KMT2C: variants seen among roughly 807,000 people sequenced by gnomAD.
The protein encoded by KMT2C is lysine methyltransferase 2C, also known as histone-lysine N-methyltransferase 2C.
KMT2C carries 88 observed loss-of-function variants against 507.9 expected under a neutral mutation model. That is an observed-to-expected ratio of 0.17 (90% CI 0.15 to 0.21). The LOEUF (loss-of-function observed/expected upper bound fraction) is 0.21, where lower values mean the gene tolerates loss of function less well. Among genes scored for constraint, KMT2C ranks in the 10% least tolerant of loss-of-function variants. KMT2C has a pLI of 1.00. For synonymous variants in KMT2C, 2,049 were observed against 2,080.8 expected (o/e 0.98, Z 0.42); for missense variants, 4,954 against 5,957.8 (o/e 0.83, Z 5.55).
At chr7:152,332,784 G>A (rs1422094150) in intron 2 of KMT2C, among the ~76,000 whole-genome samples, 1 of 151,722 alleles carries the variant, frequency 6.6e-6, no homozygotes, top group Non-Finnish European at 1.5e-5. Context: ...GGAGATGGAA[G>A]TTGCAGTGAG....
chr7:152,163,889 G>C, intron 42 of KMT2C, 63 bp from the exon 43 acceptor site: 1 of 1,489,228 alleles, frequency 6.7e-7, no homozygotes, highest in Non-Finnish European at 9.3e-7. Context: ...GTAAAACACT[G>C]GCTGATGACT....
chr7:152,330,886 T>C (rs1563888844), intron 2 of KMT2C, 147 bp from the exon 3 acceptor site: 1 of 688,922 alleles, frequency 1.5e-6, no homozygotes, highest in Non-Finnish European at 2.4e-6. Context: ...TTCATGCACG[T>C]AATTAGTGGT....
Position 152,330,626 on chromosome 7 carries a change from A to T in KMT2C, c.364T>A (p.Ser122Thr). The change falls in exon 3 of 59, where the codon TCT becomes ACT. Residue 122 changes from serine to threonine, a missense_variant. Around this residue, in one of 29 missense-constraint regions of KMT2C, gnomAD observed 233 missense variants for 263.6 expected, o/e 0.88. Coordinates refer to ENST00000262189, the MANE Select transcript of KMT2C (RefSeq NM_170606.3). ...VSEESANSLVSVGVEAKISEQ... is the reference protein window; with the variant it reads ...VSEESANSLVTVGVEAKISEQ... The stretch of plus-strand genomic sequence containing the variant: ...CTGATTTTGGCTTCTACACCAACAG[A>T]GACCAGGGAGTTTGCCGATTCCTCA... 1 of 1,614,170 alleles carries T rather than the reference A, an allele frequency of 6.2e-7. No homozygotes were observed. The highest frequency in any genetic ancestry group is 8.5e-7 in the Non-Finnish European group (1 of 1,180,008).
At chr7:152,302,126 A>T (rs550937921) in intron 6 of KMT2C, among the ~76,000 whole-genome samples, 13 of 152,362 alleles carry the variant, frequency 8.5e-5, no homozygotes, top group African/African-American at 3.1e-4. Flanking sequence ...AAATACAATG[A>T]AATTTCAATA....
In KMT2C at chr7:152,176,249, C is replaced by T. The variant is rs1461623690; in HGVS notation, c.9204G>A (p.Gln3068=). The part of the protein sequence containing the change: ...LLDQERQEQQ[Q]QRQMQAMIRQ... ...GAATCATGGCTTGCATCTGTCTTTG[C>T]TGCTGCTGTTCTTGCCTTTCTTGAT... The change falls in exon 38 of 59, where the codon CAG becomes CAA. Residue 3068 remains glutamine, a synonymous_variant. Transcript: ENST00000262189. 1 of 1,613,880 alleles carries T rather than the reference C, an allele frequency of 6.2e-7. No individual in the cohort carries two copies.
At chr7:152,231,654 GCCTGTAGTCTCAGCT>G (rs2129152428) in intron 16 of KMT2C, among the ~76,000 whole-genome samples, 2 of 152,236 alleles carry the variant, frequency 1.3e-5, no homozygotes, top group Admixed American at 1.3e-4. Context: ...GGTGGCACAC[GCCTGTAGTCTCAGCT>G]ACTCAGGAGG....
At chr7:152,171,822 A>C (rs780269058) in intron 39 of KMT2C, among the ~76,000 whole-genome samples, 2 of 152,266 alleles carry the variant, frequency 1.3e-5, no homozygotes, top group Non-Finnish European at 2.9e-5. Flanking sequence ...CTAAAACAAA[A>C]GACATTTCCC....
chr7:152,254,232 A>C (rs913281927), intron 9 of KMT2C, among the ~76,000 whole-genome samples: 2 of 152,088 alleles, frequency 1.3e-5, no homozygotes, highest in African/African-American at 2.4e-5. Context: ...CCTGGGCAAC[A>C]CACAGAGACC....
intron 3 of KMT2C, among the ~76,000 whole-genome samples, chr7:152,324,584 A>G (rs2096807725): frequency 6.6e-6 from 1 of 151,960 alleles, no homozygotes; most frequent in African/African-American, 2.4e-5. Context: ...AAAATTTGGA[A>G]GTGGGGAGCA....
chr7:152,374,248 G>A (rs1325985845), intron 1 of KMT2C, among the ~76,000 whole-genome samples: 1 of 151,928 alleles, frequency 6.6e-6, no homozygotes, highest in African/African-American at 2.4e-5. Flanking sequence ...CCTGGCAGGT[G>A]GAGGTTGCAG....
chr7:152,154,538 A>C, intron 46 of KMT2C, 93 bp from the exon 47 acceptor site: 1 of 1,049,704 alleles, frequency 9.5e-7, no homozygotes, highest in Non-Finnish European at 1.4e-6. Context: ...ATACAGCTGT[A>C]AGGATACTCT....
intron 39 of KMT2C, among the ~76,000 whole-genome samples, chr7:152,172,642 G>C (rs139654402): frequency 2.1e-3 from 324 of 152,304 alleles, no homozygotes; most frequent in Non-Finnish European, 3.6e-3. Context: ...GCTGCAGTGA[G>C]CCATTGCACT....
At chr7:152,220,028 C>G (rs1322027412) in intron 23 of KMT2C, 2 of 154,176 alleles carry the variant, frequency 1.3e-5, no homozygotes, top group Non-Finnish European at 1.4e-5. Flanking sequence ...AAAAAGAATT[C>G]AGCTAGAAAA....
At chr7:152,385,546 A>G (rs1406525152) in intron 1 of KMT2C, among the ~76,000 whole-genome samples, 2 of 98,600 alleles carry the variant, frequency 2.0e-5, no homozygotes, top group Non-Finnish European at 3.4e-5. Context: ...CGGGAGGCGG[A>G]GCTTGCAGTG....
chr7:152,309,481 G>A (rs1245283335), intron 6 of KMT2C, among the ~76,000 whole-genome samples: 2 of 140,314 alleles, frequency 1.4e-5, no homozygotes, highest in African/African-American at 5.4e-5. Context: ...GCACCAGCAT[G>A]CCCGGCTAAT....
chr7:152,160,544 C>T (rs1175297942), intron 43 of KMT2C, among the ~76,000 whole-genome samples: 2 of 151,854 alleles, frequency 1.3e-5, no homozygotes, highest in Non-Finnish European at 2.9e-5. Context: ...TGTTACAAAG[C>T]TCCCACCTGA....
intron 6 of KMT2C, among the ~76,000 whole-genome samples, chr7:152,308,133 C>G (rs1243758592): frequency 6.6e-6 from 1 of 152,088 alleles, no homozygotes; most frequent in Non-Finnish European, 1.5e-5. Flanking sequence ...CCAAAACAAG[C>G]ACTCTGACTT....
At chr7:152,283,251 ATTAAT>A (rs2096249117) in intron 6 of KMT2C, among the ~76,000 whole-genome samples, 1 of 152,296 alleles carries the variant, frequency 6.6e-6, no homozygotes. Flanking sequence ...AAATTGAAAT[ATTAAT>A]TTAAACACGT....
intron 1 of KMT2C, among the ~76,000 whole-genome samples, chr7:152,425,384 T>C (rs2097806120): frequency 6.6e-6 from 1 of 152,136 alleles, no homozygotes; most frequent in Non-Finnish European, 1.5e-5. Context: ...GAGACCAGCC[T>C]GGCCAACATG....
Sources: allele counts gnomAD v4.1 joint callset (sites outside exome capture counted in the v4.1 genomes callset), GRCh38; gene constraint gnomAD v4.1.1; regional missense constraint gnomAD v4.1.1; transcripts MANE v1.5; gene names NCBI Gene and HGNC (gene_info 2026-07-23, HGNC 2026-07-21).